The following PATZ1 variants were observed in gnomAD, a reference collection of about 807,000 sequenced individuals.
The protein encoded by PATZ1 is POZ-, AT hook-, and zinc finger-containing protein 1.
PATZ1 carries 9 observed loss-of-function variants against 46.2 expected under a neutral mutation model. The observed-to-expected ratio is 0.19, with a 90% CI of 0.12 to 0.34. The LOEUF is 0.34. Ranked by LOEUF, PATZ1 falls within the 10% of genes least tolerant of loss-of-function variation. The pLI is 1.00. For missense variants in PATZ1, 632 were observed against 923.0 expected (o/e 0.68, Z 4.08); for synonymous variants, 426 against 378.6 (o/e 1.13, Z -1.45).
At chr22:31,331,463 C>T (rs1052024743) in intron 3 of PATZ1, among the ~76,000 whole-genome samples, 1 of 151,884 alleles carries the variant, frequency 6.6e-6, no homozygotes, top group Non-Finnish European at 1.5e-5. Flanking sequence ...CCTCAGCCTC[C>T]CTGGTAGCTG....
In PATZ1 at chr22:31,345,066, C is replaced by T. The variant is rs1215929439; in HGVS notation, c.537G>A (p.Gly179=). ...RADIMLFRPP[G]TSDLGFPLDM... ...CCAAAGGGAAGCCCAAGTCCGAGGT[C>T]CCAGGGGGGCGAAAGAGCATTATAT... The change falls in exon 1 of 5, where the codon GGG becomes GGA. Residue 179 remains glycine, a synonymous_variant. Coordinates refer to ENST00000266269, the MANE Select transcript of PATZ1 (RefSeq NM_014323.3). This position sits in a 1 kb window ranked among gnomAD's most constrained non-coding sequence, Gnocchi z 7.4. 6 of 1,614,060 alleles carry T rather than the reference C, an allele frequency of 3.7e-6. No individual in the cohort carries two copies. The highest frequency in any genetic ancestry group is 3.3e-5 in the South Asian group (3 of 91,090).
At chr22:31,336,988 T>C (rs182582424) in intron 2 of PATZ1, among the ~76,000 whole-genome samples, 27 of 151,124 alleles carry the variant, frequency 1.8e-4, no homozygotes, top group Non-Finnish European at 2.4e-4. Context: ...CAGGTGCCTG[T>C]AGTCCCAGCT....
Position 31,335,843 on chromosome 22 carries a change from G to A in PATZ1, c.1356C>T (p.Ala452=). 1 of 1,613,800 alleles carries A rather than the reference G, an allele frequency of 6.2e-7. No individual in the cohort carries two copies. The highest frequency in any genetic ancestry group is 1.1e-5 in the South Asian group (1 of 91,058). The part of the protein sequence containing the change: ...HKCQTCNASF[A]TRDRLRSHLA... ...GGTGGGAGCGCAGACGGTCTCGGGT[G>A]GCAAAAGAAGCATTGCAGGTCTGAA... The change falls in exon 3 of 5, where the codon GCC becomes GCT. Residue 452 remains alanine (A), a synonymous_variant. Coordinates refer to ENST00000266269, the MANE Select transcript of PATZ1 (RefSeq NM_014323.3).
chr22:31,335,034 C>G (rs1313501409), intron 3 of PATZ1, among the ~76,000 whole-genome samples: 1 of 152,136 alleles, frequency 6.6e-6, no homozygotes, highest in Non-Finnish European at 1.5e-5. Context: ...CCAACTAGAC[C>G]CGGCAGAACC....
chr22:31,345,355 C>T lies in PATZ1; in HGVS notation c.248G>A (p.Gly83Asp), dbSNP rs1345908192. ...QLGDGGAADG[G>D]PADVGGATAA... ...CGTCGCGCCCCCTACATCAGCCGGA[C>T]CCCCGTCCGCAGCTCCGCCGTCGCC... The change falls in exon 1 of 5, where the codon GGT (glycine) becomes GAT (aspartate). Residue 83 changes from glycine to aspartate, a missense_variant. Physicochemically the swap from Gly to Asp is moderately conservative, Grantham distance 94. Around this residue, in one of 7 missense-constraint regions of PATZ1, gnomAD observed 62 missense variants for 67.9 expected, o/e 0.91. Coordinates refer to ENST00000266269, the MANE Select transcript of PATZ1 (RefSeq NM_014323.3). The surrounding 1 kb of genome is among the most constrained non-coding windows in gnomAD (Gnocchi z 7.4). The T allele has an allele frequency of 6.8e-6, 11 of 1,607,002 alleles. No homozygotes were observed. Among genetic ancestry groups the T allele is most frequent in the East Asian group, 2.2e-5 (1 of 44,726 alleles).
rs767278159 is a variant in PATZ1 at position 31,328,256 on chromosome 22, G to A, written c.1645+531C>T. Among the ~76,000 whole-genome samples, 4 of 152,236 alleles carry A rather than the reference G, an allele frequency of 2.6e-5. No homozygotes were observed. Among genetic ancestry groups the A allele is most frequent in the East Asian group, 1.9e-4 (1 of 5,200 alleles). On this transcript the variant is annotated intron_variant, in intron 4 of 4. Coordinates refer to ENST00000266269, the MANE Select transcript of PATZ1 (RefSeq NM_014323.3). The surrounding 1 kb of genome is among the most constrained non-coding windows in gnomAD (Gnocchi z 4.8). Reference sequence around the variant, plus strand: ...GCAAACCAACTCCCAAGTCAGAGGAGTCAGATAGCTCATTATTGCCATGCA... The same window carrying A: ...GCAAACCAACTCCCAAGTCAGAGGAATCAGATAGCTCATTATTGCCATGCA...
chr22:31,331,825 A>G (rs2049447401), intron 3 of PATZ1, among the ~76,000 whole-genome samples: 1 of 152,168 alleles, frequency 6.6e-6, no homozygotes, highest in Admixed American at 6.5e-5. Context: ...GATGCTCAAT[A>G]AAAACTTGCT....
At chr22:31,344,220 G>T (rs2049619330) in intron 1 of PATZ1, 112 bp downstream of exon 1, 3 of 972,706 alleles carry the variant, frequency 3.1e-6, no homozygotes, top group Non-Finnish European at 3.1e-6. Flanking sequence ...ACCTGGCATG[G>T]TTCTATAAGG....
intron 1 of PATZ1, among the ~76,000 whole-genome samples, chr22:31,343,984 G>T (rs1383408645): frequency 2.0e-5 from 3 of 152,194 alleles, no homozygotes; most frequent in African/African-American, 4.8e-5. Context: ...CGCTGGAGGA[G>T]CCCAGTCTCC....
Position 31,326,803 on chromosome 22 carries a change from A to T in PATZ1, c.*88T>A. 8.3e-7 allele frequency: 1 copy of T among 1,206,214 alleles called. No individual in the cohort carries two copies. The highest frequency in any genetic ancestry group is 1.2e-6 in the Non-Finnish European group (1 of 867,150). The allele number at this position is 1,206,214 out of a possible 1,614,324, so 74.7% of individuals were successfully genotyped here. A position where few individuals can be genotyped will look rare whatever the true frequency, so the allele number is the denominator to read the frequency against. The stretch of plus-strand genomic sequence containing the variant: ...AAAAATGAATAAAAATCTCTCAGCT[A>T]CAGAACCCAAACATCACTTCCCTCC... On this transcript the variant is annotated 3_prime_UTR_variant, in exon 5 of 5. Transcript: ENST00000266269.
chr22:31,332,145 T>C (rs1188425638), intron 3 of PATZ1, among the ~76,000 whole-genome samples: 4 of 152,148 alleles, frequency 2.6e-5, no homozygotes, highest in Admixed American at 1.3e-4. Flanking sequence ...TAGAAACACG[T>C]GGCTGAGTCC....
Position 31,344,910 on chromosome 22 carries a change from C to A in PATZ1, c.693G>T (p.Gly231=), listed in dbSNP as rs113495162. The change falls in exon 1 of 5, where the codon GGG becomes GGT. Residue 231 remains glycine, a synonymous_variant. Transcript: ENST00000266269. ...CAGCCACCATGGGCAAGCGGTCCAC[C>A]CCAGGTAACACAGGCAAAGAGGCTT... ...AGQASLPVLP[G]VDRLPMVAGP... The A allele has an allele frequency of 1.2e-6, 2 of 1,613,452 alleles. No individual in the cohort carries two copies. Among genetic ancestry groups the A allele is most frequent in the Middle Eastern group, 1.7e-4 (1 of 6,058 alleles).
Position 31,327,387 on chromosome 22 carries a change from C to T in PATZ1, c.1646-78G>A. The T allele has an allele frequency of 8.1e-7, 1 of 1,236,196 alleles. No individual in the cohort carries two copies. Among genetic ancestry groups the T allele is most frequent in the Non-Finnish European group, 1.1e-6 (1 of 879,132 alleles). 76.6% of individuals were successfully genotyped at this position (1,236,196 alleles called of 1,614,324 possible). A position where few individuals can be genotyped will look rare whatever the true frequency, so the allele number is the denominator to read the frequency against. On this transcript the variant is annotated intron_variant, in intron 4 of 4. Coordinates refer to ENST00000266269, the MANE Select transcript of PATZ1 (RefSeq NM_014323.3). This position sits in a 1 kb window ranked among gnomAD's most constrained non-coding sequence, Gnocchi z 4.2. ...CCCTCCTGGAGGGGTCATGAGGGGCCAGCTCACAGACCTGTGGAGGGCAGC... is the reference window on the plus strand; with the variant it reads ...CCCTCCTGGAGGGGTCATGAGGGGCTAGCTCACAGACCTGTGGAGGGCAGC...
chr22:31,343,911 T>A (rs116561969), intron 1 of PATZ1, among the ~76,000 whole-genome samples: 1 of 151,918 alleles, frequency 6.6e-6, no homozygotes, highest in East Asian at 1.9e-4. Flanking sequence ...GCCTCAAGAG[T>A]GTAGGGAGTC....
chr22:31,339,635 T>G (rs1180561898), intron 2 of PATZ1, among the ~76,000 whole-genome samples: 1 of 152,218 alleles, frequency 6.6e-6, no homozygotes, highest in East Asian at 1.9e-4. Context: ...TTTGACTGCC[T>G]GTGGCACTCG....
At chr22:31,341,376 A>G (rs2049578452) in intron 2 of PATZ1, 2 of 1,519,662 alleles carry the variant, frequency 1.3e-6, no homozygotes, top group South Asian at 2.7e-5. Flanking sequence ...GTTCCCTTCC[A>G]CTGTCAACCC....
Position 31,326,658 on chromosome 22 carries a change from C to T in PATZ1, c.*233G>A. ...TGGAGGCCTATGTAGTGTTTTCTGCCCCTGTCCCATACCAAGTCTCATTGA... is the reference window on the plus strand; with the variant it reads ...TGGAGGCCTATGTAGTGTTTTCTGCTCCTGTCCCATACCAAGTCTCATTGA... On this transcript the variant is annotated 3_prime_UTR_variant, in exon 5 of 5. Coordinates refer to ENST00000266269, the MANE Select transcript of PATZ1 (RefSeq NM_014323.3). 2 of 506,108 alleles carry T rather than the reference C, an allele frequency of 4.0e-6. No homozygotes were observed. Among genetic ancestry groups the T allele is most frequent in the East Asian group, 3.4e-5 (1 of 29,846 alleles). The allele number at this position is 506,108 out of a possible 1,614,324, so 31.4% of individuals were successfully genotyped here.
intron 2 of PATZ1, chr22:31,341,451 G>C (rs763781010): frequency 1.2e-6 from 2 of 1,600,858 alleles, no homozygotes; most frequent in Non-Finnish European, 1.7e-6. Context: ...CTCTGGGGTG[G>C]TCCAGCCCTG....
At position 31,345,700 on chromosome 22, in the gene PATZ1, TC is replaced by T; in HGVS notation, c.-99del. On this transcript the variant is annotated 5_prime_UTR_variant, in exon 1 of 5. Coordinates refer to ENST00000266269, the MANE Select transcript of PATZ1 (RefSeq NM_014323.3). This position sits in a 1 kb window ranked among gnomAD's most constrained non-coding sequence, Gnocchi z 7.4. The stretch of plus-strand genomic sequence containing the variant: ...CGGGGCGCAGCAGACGTGTCCACAC[TC>T]CCCACACGTGCCGGCCCGAGGCTCT... 1.7e-6 allele frequency: 2 copies of T among 1,206,794 alleles called. No homozygotes were observed. The highest frequency in any genetic ancestry group is 2.2e-6 in the Non-Finnish European group (2 of 889,714). The allele number at this position is 1,206,794 out of a possible 1,614,324, so 74.8% of individuals were successfully genotyped here. A position where few individuals can be genotyped will look rare whatever the true frequency, so the allele number is the denominator to read the frequency against.
Sources: gnomAD v4.1 joint callset for allele counts (sites outside exome capture counted in the v4.1 genomes callset) on GRCh38, gnomAD v4.1.1 for gene constraint, gnomAD v4.1.1 regional missense constraint, Gnocchi (gnomAD v3.1) non-coding constraint, MANE v1.5 for transcripts, NCBI Gene and HGNC (gene_info 2026-07-23, HGNC 2026-07-21) for gene names.